The following CLASP2 variants were observed in gnomAD, a reference collection of about 807,000 sequenced individuals.
The protein encoded by CLASP2 is CLIP-associating protein 2.
Under a neutral mutation model 194.4 loss-of-function variants are expected in CLASP2, and 47 were observed. The ratio of observed to expected loss-of-function variants is 0.24; its 90% CI spans 0.19 to 0.31. CLASP2 has a LOEUF of 0.31. Among genes scored for constraint, CLASP2 ranks in the 10% least tolerant of loss-of-function variants. CLASP2 has a pLI of 1.00. For synonymous variants in CLASP2, 619 were observed against 633.5 expected, an observed-to-expected ratio of 0.98 and a Z score of 0.34; for missense variants, 1,445 against 1,823.6, an observed-to-expected ratio of 0.79 and a Z score of 3.78.
At chr3:33,520,074 C>G (rs897216381) in intron 34 of CLASP2, among the ~76,000 whole-genome samples, 1 of 152,106 alleles carries the variant, frequency 6.6e-6, no homozygotes, top group Non-Finnish European at 1.5e-5. Flanking sequence ...AGTGCACTGG[C>G]GTGATCTTGG....
At chr3:33,617,935 AT>A (rs1559401695) in intron 12 of CLASP2, among the ~76,000 whole-genome samples, 8 of 133,344 alleles carry the variant, frequency 6.0e-5, no homozygotes, top group East Asian at 2.0e-4. Context: ...TATTATTATT[AT>A]ATATATATAT....
intron 7 of CLASP2, chr3:33,659,056 GC>G (rs2154330545): frequency 6.5e-7 from 1 of 1,529,562 alleles, no homozygotes; most frequent in East Asian, 2.5e-5. Flanking sequence ...ACAGCTCAGT[GC>G]CTGCGCCACT....
At chr3:33,613,085 C>T (rs966307382) in intron 12 of CLASP2, among the ~76,000 whole-genome samples, 1 of 152,082 alleles carries the variant, frequency 6.6e-6, no homozygotes, top group African/African-American at 2.4e-5. Context: ...TTCCCTATTA[C>T]CCTAATTTGA....
At chr3:33,620,743 C>A (rs1380610257) in intron 11 of CLASP2, among the ~76,000 whole-genome samples, 1 of 152,122 alleles carries the variant, frequency 6.6e-6, no homozygotes, top group African/African-American at 2.4e-5. Context: ...TACTTTAGAG[C>A]TGGTTTAGTA....
At chr3:33,521,884 C>A (rs970790879) in intron 34 of CLASP2, among the ~76,000 whole-genome samples, 1 of 140,210 alleles carries the variant, frequency 7.1e-6, no homozygotes, top group Admixed American at 8.2e-5. Context: ...CCCACTCCCC[C>A]CTCCACCAGC....
intron 8 of CLASP2, among the ~76,000 whole-genome samples, chr3:33,639,914 G>C (rs952357555): frequency 2.6e-5 from 4 of 152,196 alleles, no homozygotes; most frequent in Non-Finnish European, 5.9e-5. Flanking sequence ...GTCAAGCACT[G>C]AGTTCTCGTC....
At position 33,644,532 on chromosome 3, in the gene CLASP2, C is replaced by A. The variant is rs1215983901; in HGVS notation, c.862+225G>T. ...CAAAATGGCATCTGAAAAATAAATA[C>A]CCTCAAGAAGAGACTAATTCACATA... is the stretch of plus-strand genomic sequence containing the variant. On this transcript the variant is annotated intron_variant, in intron 8 of 38. Coordinates refer to ENST00000682230, the MANE Select transcript of CLASP2 (RefSeq NM_001365631.1). The A allele has an allele frequency of 6.6e-5, 29 of 440,632 alleles. No homozygotes were observed. The East Asian group carries it at 1.2e-3, about 18-fold the overall frequency. The allele number at this position is 440,632 out of a possible 1,614,324, so 27.3% of individuals were successfully genotyped here. A position where few individuals can be genotyped will look rare whatever the true frequency, so the allele number is the denominator to read the frequency against.
At chr3:33,660,478 A>G (rs967435989) in intron 7 of CLASP2, among the ~76,000 whole-genome samples, 6 of 152,250 alleles carry the variant, frequency 3.9e-5, no homozygotes, top group Middle Eastern at 3.2e-3. Context: ...TAAAAAAGTT[A>G]TATCACCTTT....
In CLASP2 at chr3:33,496,787, CA is replaced by C. The variant is rs2045842309; in HGVS notation, c.*1843del. The C allele has an allele frequency of 6.6e-6, 1 of 152,142 alleles. No homozygotes were observed. Among genetic ancestry groups the C allele is most frequent in the Non-Finnish European group, 1.5e-5 (1 of 68,004 alleles). The allele number at this position is 152,142 out of a possible 1,614,324, so 9.4% of individuals were successfully genotyped here. A position where few individuals can be genotyped will look rare whatever the true frequency, so the allele number is the denominator to read the frequency against. On this transcript the variant is annotated 3_prime_UTR_variant, in exon 39 of 39. Transcript: ENST00000682230. ...ACTGAGAAGAGTTGTGTTTAAAATG[CA>C]TTTTCTTCTTACAGATAAGCTGTAA...
rs554596736 is a variant in CLASP2, at chr3:33,537,810, A to G, written c.3558+979T>C. On this transcript the variant is annotated intron_variant, in intron 33 of 38. Transcript: ENST00000682230. ...GCAAATTACTATCACTACACCTAACAGGCAAAAAAAACTCTAAACTCCTTA... is the reference window on the plus strand; with the variant it reads ...GCAAATTACTATCACTACACCTAACGGGCAAAAAAAACTCTAAACTCCTTA... Among the ~76,000 whole-genome samples the G allele has an allele frequency of 5.9e-5, 9 of 152,274 alleles. No individual in the cohort carries two copies. In the East Asian group the frequency reaches 1.7e-3, roughly 29 times the overall value.
At chr3:33,539,398 G>C (rs1352865299) in intron 32 of CLASP2, among the ~76,000 whole-genome samples, 1 of 151,914 alleles carries the variant, frequency 6.6e-6, no homozygotes, top group Non-Finnish European at 1.5e-5. Context: ...GTGATGGCGT[G>C]ATCTCAGCTC....
At chr3:33,541,031 C>T (rs149463992) in intron 32 of CLASP2, among the ~76,000 whole-genome samples, 2 of 152,244 alleles carry the variant, frequency 1.3e-5, no homozygotes, top group African/African-American at 2.4e-5. Flanking sequence ...CCTCTGCCTC[C>T]CAAAGTGCTG....
chr3:33,541,528 C>T (rs369770149), intron 32 of CLASP2, among the ~76,000 whole-genome samples: 13 of 152,166 alleles, frequency 8.5e-5, no homozygotes, highest in East Asian at 7.7e-4. Flanking sequence ...TTGTTCCCCT[C>T]TATGTGTTCA....
chr3:33,542,205 C>G (rs1414122502), intron 32 of CLASP2, among the ~76,000 whole-genome samples: 1 of 151,974 alleles, frequency 6.6e-6, no homozygotes, highest in South Asian at 2.1e-4. Context: ...TTGAATCATA[C>G]AAGTGTGTGA....
intron 22 of CLASP2, among the ~76,000 whole-genome samples, chr3:33,583,889 T>C (rs2066726980): frequency 6.6e-6 from 1 of 152,128 alleles, no homozygotes; most frequent in Admixed American, 6.5e-5. Context: ...ACATGGTTGA[T>C]AAAGCAGAAA....
At chr3:33,526,361 A>G (rs1450343507) in intron 34 of CLASP2, among the ~76,000 whole-genome samples, 1 of 152,230 alleles carries the variant, frequency 6.6e-6, no homozygotes, top group East Asian at 1.9e-4. Flanking sequence ...TTTCGAACCA[A>G]CAAAGATCAA....
intron 7 of CLASP2, among the ~76,000 whole-genome samples, chr3:33,660,009 C>A (rs2154331360): frequency 6.6e-6 from 1 of 152,310 alleles, no homozygotes; most frequent in Non-Finnish European, 1.5e-5. Context: ...TTCCTAGCAA[C>A]TGTTTCAAAC....
At chr3:33,558,257 T>C (rs1008208673) in intron 29 of CLASP2, 1 of 152,218 alleles carries the variant, frequency 6.6e-6, no homozygotes, top group Non-Finnish European at 1.5e-5. Flanking sequence ...TCCTCAATCT[T>C]GGCAAACTAA....
At chr3:33,649,836 C>T (rs1213818148) in intron 7 of CLASP2, among the ~76,000 whole-genome samples, 1 of 152,158 alleles carries the variant, frequency 6.6e-6, no homozygotes, top group Non-Finnish European at 1.5e-5. Flanking sequence ...TAGAGTGCTT[C>T]ATTAAGGTCA....
Sources: gnomAD v4.1 joint callset for allele counts (sites outside exome capture counted in the v4.1 genomes callset) on GRCh38, gnomAD v4.1.1 for gene constraint, MANE v1.5 for transcripts, NCBI Gene and HGNC (gene_info 2026-07-23, HGNC 2026-07-21) for gene names.